Variants in CEP72 observed in about 807,000 individuals in gnomAD.
CEP72 encodes the protein centrosomal protein 72.
A neutral mutation model predicts 65.7 loss-of-function variants in CEP72; 78 were observed. That is an observed-to-expected ratio of 1.19 (90% CI 0.99 to 1.43). CEP72 has a LOEUF of 1.43. CEP72 is among the 40% of genes most tolerant of loss of function. The pLI, the probability that CEP72 is intolerant of heterozygous loss-of-function variation, is 0.00. For synonymous variants in CEP72, 358 were observed against 351.7 expected (o/e 1.02, Z -0.20); for missense variants, 914 against 832.9 (o/e 1.10, Z -1.20).
rs1403545297 is a variant in CEP72, at chr5:645,474, A to C, written c.1666+1049A>C. ...TAAAGGTGATGAGAAAAAAAAAAAAAAACAGTTCCCTGCCCGGGAGAACTG... is the reference window on the plus strand; with the variant it reads ...TAAAGGTGATGAGAAAAAAAAAAAACAACAGTTCCCTGCCCGGGAGAACTG... On this transcript the variant is annotated intron_variant, in intron 10 of 11. Coordinates refer to ENST00000264935, the MANE Select transcript of CEP72 (RefSeq NM_018140.4). This position sits in a 1 kb window ranked among gnomAD's most constrained non-coding sequence, Gnocchi z 4.0. Among the ~76,000 whole-genome samples, 3 of 151,586 alleles carry C rather than the reference A, an allele frequency of 2.0e-5. No individual in the cohort carries two copies. Among genetic ancestry groups the C allele is most frequent in the Non-Finnish European group, 4.4e-5 (3 of 67,946 alleles).
intron 11 of CEP72, among the ~76,000 whole-genome samples, chr5:650,406 CTG>C (rs1170976014): frequency 0.22 from 2,447 of 11,070 alleles, no homozygotes; most frequent in Middle Eastern, 0.3. Flanking sequence ...TGAGGTGTGA[CTG>C]TGGGTGTGAG....
intron 7 of CEP72, among the ~76,000 whole-genome samples, chr5:638,667 AT>A (rs1737789796): frequency 6.6e-6 from 1 of 151,914 alleles, no homozygotes; most frequent in South Asian, 2.1e-4. Flanking sequence ...TTTCAGGGTT[AT>A]TGTTTGACTC....
intron 9 of CEP72, chr5:641,017 A>C: frequency 1.0e-6 from 1 of 985,446 alleles, no homozygotes; most frequent in Non-Finnish European, 1.2e-6. Flanking sequence ...CTACAGGGCA[A>C]GTTACCCCAA....
intron 5 of CEP72, among the ~76,000 whole-genome samples, chr5:635,089 C>T (rs572931097): frequency 1.3e-5 from 2 of 152,160 alleles, no homozygotes; most frequent in South Asian, 2.1e-4. Context: ...TCTGGACTCT[C>T]TCTTCTGTTT....
chr5:637,208 A>G (rs1737667479), intron 6 of CEP72, among the ~76,000 whole-genome samples: 3 of 152,210 alleles, frequency 2.0e-5, no homozygotes, highest in African/African-American at 7.2e-5. Context: ...GTCGGTCATC[A>G]CGGGGTGAAC....
rs367605819 is a variant in CEP72, at chr5:644,422, G to A, written c.1663G>A (p.Ala555Thr). ...DTAATLNLQI[A>T]GLQTSVKRLC... ...TGCAGCCACGTTAAATTTGCAGATC[G>A]CTGGTAAGTTGATCGTGTATTTGGT... Residue 555 changes from alanine to threonine, a missense_variant, in exon 10 of 12, where the codon GCT becomes ACT. Transcript: ENST00000264935. 1.1e-5 allele frequency: 18 copies of A among 1,613,468 alleles called. No individual in the cohort carries two copies. Among genetic ancestry groups the A allele is most frequent in the African/African-American group, 2.7e-5 (2 of 74,936 alleles).
intron 9 of CEP72, chr5:642,994 G>A (rs1738158467): frequency 1.4e-5 from 14 of 985,378 alleles, no homozygotes; most frequent in Non-Finnish European, 1.3e-5. Flanking sequence ...AGGCAGATGG[G>A]CTGCGCCCAG....
chr5:666,005 T>C (rs1048417660), exon 4 of CEP72: 2 of 1,546,660 alleles, frequency 1.3e-6, no homozygotes, highest in African/African-American at 2.8e-5. Context: ...TTGCCCTCGA[T>C]GAGCCTGTGC....
At chr5:665,109 C>T (rs1322228236) in intron 2 of CEP72, 3 of 1,610,094 alleles carry the variant, frequency 1.9e-6, no homozygotes, top group Admixed American at 1.7e-5. Context: ...GGGCTACTTG[C>T]CCCCTTGCAC....
chr5:641,278 A>G, intron 9 of CEP72: 1 of 985,392 alleles, frequency 1.0e-6, no homozygotes, highest in East Asian at 1.1e-4. Flanking sequence ...CATCCTTAGC[A>G]CAGGGAGCTG....
intron 1 of CEP72, chr5:662,397 G>A (rs1339774135): frequency 1.3e-5 from 2 of 152,506 alleles, no homozygotes; most frequent in Non-Finnish European, 2.9e-5. Flanking sequence ...GGGACCAGGA[G>A]GCAGCGTCCT....
Position 640,444 on chromosome 5 carries a change from T to G in CEP72, c.1379T>G (p.Phe460Cys). ...ARHILSSVEE[F>C]TAAQDSSAMV... ...CACATCTTGTCATCTGTTGAAGAATTCACAGCAGCTCAGGACAGCTCTGCG... is the reference window on the plus strand; with the variant it reads ...CACATCTTGTCATCTGTTGAAGAATGCACAGCAGCTCAGGACAGCTCTGCG... The change falls in exon 9 of 12, where the codon TTC becomes TGC. Residue 460 changes from phenylalanine to cysteine, a missense_variant. Physicochemically the swap from Phe to Cys is radical, Grantham distance 205. Transcript: ENST00000264935. 6.2e-7 allele frequency: 1 copy of G among 1,614,198 alleles called. No homozygotes were observed. Among genetic ancestry groups the G allele is most frequent in the Non-Finnish European group, 8.5e-7 (1 of 1,180,004 alleles).
intron 9 of CEP72, chr5:642,764 C>T: frequency 1.0e-6 from 1 of 985,500 alleles, no homozygotes; most frequent in Non-Finnish European, 1.2e-6. Context: ...TCAGCACCGT[C>T]AGGAACCCCG....
chr5:640,622 C>A lies in CEP72; in HGVS notation c.1539+18C>A. 1.3e-6 allele frequency: 2 copies of A among 1,596,280 alleles called. No individual in the cohort carries two copies. Among genetic ancestry groups the A allele is most frequent in the Non-Finnish European group, 8.5e-7 (1 of 1,172,816 alleles). ...AGGAGCTGGTGAGCCCGCCCTGGCG[C>A]TGTGTCTGTGTCCATGTGACTGGGG... On this transcript the variant is annotated intron_variant, in intron 9 of 11. Coordinates refer to ENST00000264935, the MANE Select transcript of CEP72 (RefSeq NM_018140.4).
intron 1 of CEP72, among the ~76,000 whole-genome samples, chr5:613,392 A>G (rs757861645): frequency 6.6e-6 from 1 of 151,684 alleles, no homozygotes; most frequent in South Asian, 2.1e-4. Context: ...TTTTTTTTAG[A>G]CGGAGTCTCA....
At chr5:664,975 C>G in intron 2 of CEP72, 1 of 1,163,050 alleles carries the variant, frequency 8.6e-7, no homozygotes, top group South Asian at 1.5e-5. Context: ...GGCCTGGCCG[C>G]CCCCCAGCCC....
chr5:658,645 A>ATTT (rs70955278), downstream of CEP72, among the ~76,000 whole-genome samples: 27 of 55,976 alleles, frequency 4.8e-4, 7 homozygotes, highest in Non-Finnish European at 7.1e-4. Flanking sequence ...AGCAAAGCTG[A>ATTT]TTTTTTTTTT....
exon 3 of CEP72, chr5:665,319 G>A: frequency 6.2e-7 from 1 of 1,602,554 alleles, no homozygotes; most frequent in Non-Finnish European, 8.5e-7. Flanking sequence ...CAGGAGGAAG[G>A]GGGCAGGTGA....
rs755935713 is a variant in CEP72, at chr5:640,475, G to A, written c.1410G>A (p.Val470=). 17 of 1,614,138 alleles carry A rather than the reference G, an allele frequency of 1.1e-5. No individual in the cohort carries two copies. The highest frequency in any genetic ancestry group is 4.5e-5 in the East Asian group (2 of 44,904). Residue 470 remains valine, a synonymous_variant, in exon 9 of 12, where the codon GTG becomes GTA. Coordinates refer to ENST00000264935, the MANE Select transcript of CEP72 (RefSeq NM_018140.4). ...CAGCTCAGGACAGCTCTGCGATGGTGGGTGAAGATGTCGGCTCCCTGGCTC... is the reference window on the plus strand; with the variant it reads ...CAGCTCAGGACAGCTCTGCGATGGTAGGTGAAGATGTCGGCTCCCTGGCTC... ...FTAAQDSSAM[V]GEDVGSLALE... is the part of the protein sequence containing the mutation.
Sources: allele counts gnomAD v4.1 joint callset (sites outside exome capture counted in the v4.1 genomes callset), GRCh38; gene constraint gnomAD v4.1.1; non-coding constraint Gnocchi (gnomAD v3.1); transcripts MANE v1.5; gene names NCBI Gene and HGNC (gene_info 2026-07-23, HGNC 2026-07-21).